Variants in ARID2 observed in about 807,000 individuals in gnomAD.
The protein encoded by ARID2 is AT-rich interaction domain 2, also known as AT-rich interactive domain-containing protein 2.
Under a neutral mutation model 184.6 loss-of-function variants are expected in ARID2, and 32 were observed. The observed-to-expected ratio is 0.17, with a 90% CI of 0.13 to 0.23. The LOEUF (loss-of-function observed/expected upper bound fraction) is 0.23. Among genes scored for constraint, ARID2 ranks in the 10% least tolerant of loss-of-function variants. The pLI is 1.00. For missense variants in ARID2, 1,696 were observed against 2,197.6 expected, an observed-to-expected ratio of 0.77 and a Z score of 4.56; for synonymous variants, 836 against 772.6, an observed-to-expected ratio of 1.08 and a Z score of -1.36.
At chr12:45,841,439 G>A (rs1411583020) in intron 11 of ARID2, 3 of 151,356 alleles carry the variant, frequency 2.0e-5, no homozygotes, top group Non-Finnish European at 4.4e-5. Context: ...TTTATTACTT[G>A]TGCTCTCCCT....
intron 15 of ARID2, among the ~76,000 whole-genome samples, chr12:45,854,725 AT>A (rs1187547016): frequency 2.6e-5 from 4 of 152,334 alleles, no homozygotes; most frequent in Middle Eastern, 6.8e-3. Flanking sequence ...ACCAACACTC[AT>A]TTTTTGTACC....
At chr12:45,823,235 G>A (rs886478379) in intron 6 of ARID2, among the ~76,000 whole-genome samples, 1 of 152,012 alleles carries the variant, frequency 6.6e-6, no homozygotes, top group Non-Finnish European at 1.5e-5. Flanking sequence ...GGGCATCAAG[G>A]AAGAAGTTAA....
At chr12:45,824,881 A>G (rs895508709) in intron 6 of ARID2, among the ~76,000 whole-genome samples, 1 of 149,510 alleles carries the variant, frequency 6.7e-6, no homozygotes, top group South Asian at 2.1e-4. Context: ...ATATATATAT[A>G]TGTATATATA....
At position 45,852,570 on chromosome 12, in the gene ARID2, A is replaced by G. The variant is rs1269556352; in HGVS notation, c.4447A>G (p.Ile1483Val). 1 of 1,614,154 alleles carries G rather than the reference A, an allele frequency of 6.2e-7. No homozygotes were observed. The highest frequency in any genetic ancestry group is 1.1e-5 in the South Asian group (1 of 91,076). The change falls in exon 15 of 21, where the codon ATC becomes GTC. Residue 1483 changes from isoleucine (I) to valine (V), a missense_variant. Physicochemically the swap from Ile to Val is conservative, Grantham distance 29. Transcript: ENST00000334344. ...AACCTCTGTTATACAGGGACATCAAATCATAGCAGTTCCCGACTCAGGATC... is the reference window on the plus strand; with the variant it reads ...AACCTCTGTTATACAGGGACATCAAGTCATAGCAGTTCCCGACTCAGGATC... Reference protein sequence around the residue: ...STTSVIQGHQIIAVPDSGSKV... With the variant: ...STTSVIQGHQVIAVPDSGSKV...
At chr12:45,841,063 TTCA>T (rs1349391848) in intron 11 of ARID2, 3 of 152,176 alleles carry the variant, frequency 2.0e-5, no homozygotes, top group Non-Finnish European at 4.4e-5. Flanking sequence ...AATGAAACTG[TTCA>T]TATTGCTAGT....
intron 4 of ARID2, among the ~76,000 whole-genome samples, chr12:45,816,029 G>GA (rs1474386434): frequency 6.6e-6 from 1 of 152,008 alleles, no homozygotes. Context: ...AGCTTTATTT[G>GA]AAAAAATGTA....
rs1278120538 is a variant in ARID2, at chr12:45,850,578, C to A, written c.2455C>A (p.Gln819Lys). Residue 819 changes from glutamine to lysine, a missense_variant, in exon 15 of 21, where the codon CAA becomes AAA. Physicochemically the swap from Gln to Lys is moderately conservative, Grantham distance 53 (BLOSUM62 1). Coordinates refer to ENST00000334344, the MANE Select transcript of ARID2 (RefSeq NM_152641.4). ...PACTSTVSQG[Q>K]QLITTSPQPV... ...ATGTACTTCTACAGTTTCACAGGGT[C>A]AACAGTTAATCACCACATCACCCCA... 8 of 1,613,952 alleles carry A rather than the reference C, an allele frequency of 5.0e-6. No homozygotes were observed. The highest frequency in any genetic ancestry group is 1.7e-6 in the Non-Finnish European group (2 of 1,179,994).
intron 3 of ARID2, among the ~76,000 whole-genome samples, chr12:45,743,649 G>C (rs1308732017): frequency 6.6e-6 from 1 of 151,758 alleles, no homozygotes; most frequent in East Asian, 1.9e-4. Flanking sequence ...GTTTGTTCTA[G>C]TTCCAGAAAA....
At chr12:45,821,910 G>C (rs1942904345) in intron 6 of ARID2, among the ~76,000 whole-genome samples, 1 of 152,024 alleles carries the variant, frequency 6.6e-6, no homozygotes, top group Non-Finnish European at 1.5e-5. Context: ...AAAATTTCTG[G>C]GAATATATTT....
intron 14 of ARID2, 41 bp from the exon 15 acceptor site, chr12:45,849,995 T>G (rs776933380): frequency 1.3e-6 from 2 of 1,547,226 alleles, no homozygotes; most frequent in African/African-American, 2.8e-5. Context: ...GGATTTTCAG[T>G]CATTTCATTT....
intron 11 of ARID2, among the ~76,000 whole-genome samples, chr12:45,844,789 C>G (rs1202735341): frequency 1.3e-5 from 2 of 152,152 alleles, no homozygotes; most frequent in African/African-American, 4.8e-5. Context: ...CTCATAGTTA[C>G]ACAGCTAGCT....
intron 3 of ARID2, among the ~76,000 whole-genome samples, chr12:45,784,097 C>T (rs1185194810): frequency 2.6e-5 from 4 of 152,186 alleles, no homozygotes; most frequent in Non-Finnish European, 5.9e-5. Flanking sequence ...TCAATCAGTC[C>T]TCCCACCTCA....
rs140754202 is a variant in ARID2 at position 45,766,123 on chromosome 12, G to A, written c.284+34809G>A. Reference sequence around the variant, plus strand: ...TGGTTGTTACAAATAAGACCACAATGAACATATTGTTTTATGTTATATATT... The same window carrying A: ...TGGTTGTTACAAATAAGACCACAATAAACATATTGTTTTATGTTATATATT... On this transcript the variant is annotated intron_variant, in intron 3 of 20. Coordinates refer to ENST00000334344, the MANE Select transcript of ARID2 (RefSeq NM_152641.4). Among the ~76,000 whole-genome samples the A allele has an allele frequency of 2.6e-4, 39 of 151,960 alleles. No homozygotes were observed. The East Asian group carries it at 6.6e-3, about 26-fold the overall frequency.
chr12:45,890,665 T>C (rs2138229913), intron 16 of ARID2, among the ~76,000 whole-genome samples: 1 of 152,292 alleles, frequency 6.6e-6, no homozygotes, highest in Non-Finnish European at 1.5e-5. Flanking sequence ...AATATATAAC[T>C]TACTCTTTCT....
intron 3 of ARID2, among the ~76,000 whole-genome samples, chr12:45,803,108 A>G (rs1942536863): frequency 6.6e-6 from 1 of 152,182 alleles, no homozygotes; most frequent in African/African-American, 2.4e-5. Flanking sequence ...GCTTATGAGA[A>G]CATATCTTCC....
At chr12:45,845,053 C>T (rs1943417168) in intron 11 of ARID2, among the ~76,000 whole-genome samples, 1 of 152,112 alleles carries the variant, frequency 6.6e-6, no homozygotes, top group Non-Finnish European at 1.5e-5. Context: ...GGGCAGTGCT[C>T]CTCAGTTTGT....
chr12:45,838,321 T>TA (rs1206210667), intron 10 of ARID2, among the ~76,000 whole-genome samples: 13 of 152,252 alleles, frequency 8.5e-5, no homozygotes, highest in African/African-American at 3.1e-4. Flanking sequence ...ATTAAAATGA[T>TA]ATCTTTCTTA....
intron 6 of ARID2, among the ~76,000 whole-genome samples, chr12:45,832,775 A>C (rs1943145326): frequency 6.6e-6 from 1 of 152,232 alleles, no homozygotes; most frequent in African/African-American, 2.4e-5. Flanking sequence ...AAAAGTAATA[A>C]AACTAAAAAA....
At position 45,844,093 on chromosome 12, in the gene ARID2, C is replaced by T. The variant is rs1260314384; in HGVS notation, c.1499-2763C>T. 2.0e-5 allele frequency among the ~76,000 whole-genome samples: 3 copies of T among 152,038 alleles called. No homozygotes were observed. In the East Asian group the frequency reaches 5.8e-4, roughly 29 times the overall value. ...GGTCACCCAGACTGCAGTGCAGGGG[C>T]GCCATCAGAACCTGGCTCACTGTAG... is the stretch of plus-strand genomic sequence containing the variant. On this transcript the variant is annotated intron_variant, in intron 11 of 20. Coordinates refer to ENST00000334344, the MANE Select transcript of ARID2 (RefSeq NM_152641.4).
Sources: allele counts gnomAD v4.1 joint callset (sites outside exome capture counted in the v4.1 genomes callset), GRCh38; gene constraint gnomAD v4.1.1; transcripts MANE v1.5; gene names NCBI Gene and HGNC (gene_info 2026-07-23, HGNC 2026-07-21).